GARIN1A: variants seen among roughly 807,000 people sequenced by gnomAD.
GARIN1A encodes the protein golgi associated RAB2 interactor 1A, also known as Golgi-associated RAB2 interactor protein 1A.
chr7:128,689,510 C>T, the GARIN1A span, among the ~76,000 whole-genome samples: 9 of 150,182 alleles, frequency 6.0e-5, 1 homozygote, highest in South Asian at 2.1e-4. Context: ...GGAGCCCCTC[C>T]GCCCGGCAGC....
At chr7:128,681,889 C>CCCCCAACCCCCCCG in the GARIN1A span, among the ~76,000 whole-genome samples, 1 of 148,034 alleles carries the variant, frequency 6.8e-6, no homozygotes, top group Non-Finnish European at 1.5e-5. Flanking sequence ...GCACCCCCCC[C>CCCCCAACCCCCCCG]CACAACCCCC....
the GARIN1A span, chr7:128,672,650 G>T: frequency 4.0e-6 from 2 of 496,262 alleles, no homozygotes; most frequent in Non-Finnish European, 6.2e-6. Flanking sequence ...CCCTGGGGGA[G>T]GGGGGGGCGG....
At chr7:128,696,294 C>T in the GARIN1A span, among the ~76,000 whole-genome samples, 176 of 152,142 alleles carry the variant, frequency 1.2e-3, no homozygotes, top group African/African-American at 3.9e-3. Context: ...GCTGGAATTA[C>T]AAGCGTGAGC....
the GARIN1A span, chr7:128,683,125 C>G: frequency 1.9e-6 from 3 of 1,612,262 alleles, no homozygotes; most frequent in Non-Finnish European, 2.5e-6. Flanking sequence ...GTTCATATAG[C>G]CAGTTACCTA....
chr7:128,704,297 G>A, the GARIN1A span, among the ~76,000 whole-genome samples: 21 of 142,756 alleles, frequency 1.5e-4, no homozygotes, highest in East Asian at 8.2e-4. Flanking sequence ...GGCATTATTA[G>A]TTAGAGTAAC....
the GARIN1A span, among the ~76,000 whole-genome samples, chr7:128,694,087 G>A: frequency 6.6e-6 from 1 of 152,208 alleles, no homozygotes; most frequent in African/African-American, 2.4e-5. Flanking sequence ...GGGAGAGGGC[G>A]TGGTGCCTGT....
At chr7:128,706,787 G>A in the GARIN1A span, among the ~76,000 whole-genome samples, 3 of 152,114 alleles carry the variant, frequency 2.0e-5, no homozygotes, top group Admixed American at 6.5e-5. Context: ...GGCATCCTGC[G>A]ATCCCAGAGC....
chr7:128,706,012 A>G, the GARIN1A span, among the ~76,000 whole-genome samples: 1 of 152,100 alleles, frequency 6.6e-6, no homozygotes, highest in African/African-American at 2.4e-5. Context: ...GCATTCTACT[A>G]TAAGGAAGAG....
chr7:128,695,871 C>G, the GARIN1A span, among the ~76,000 whole-genome samples: 1 of 152,054 alleles, frequency 6.6e-6, no homozygotes, highest in African/African-American at 2.4e-5. This position sits in a 1 kb window ranked among gnomAD's most constrained non-coding sequence, Gnocchi z 4.5. Flanking sequence ...TTTCCTTTTC[C>G]TCCAGTAGAA....
the GARIN1A span, chr7:128,683,150 G>A: frequency 1.9e-6 from 3 of 1,608,128 alleles, no homozygotes; most frequent in South Asian, 3.3e-5. Context: ...AGCACTTCTT[G>A]GGAGCCTGAC....
the GARIN1A span, among the ~76,000 whole-genome samples, chr7:128,703,636 G>T: frequency 2.0e-5 from 3 of 152,124 alleles, no homozygotes; most frequent in Admixed American, 6.5e-5. Context: ...AAATTAGCTG[G>T]GCATGGTGGA....
the GARIN1A span, among the ~76,000 whole-genome samples, chr7:128,695,112 A>G: frequency 7.2e-5 from 11 of 152,236 alleles, no homozygotes; most frequent in African/African-American, 2.7e-4. The surrounding 1 kb of genome is among the most constrained non-coding windows in gnomAD (Gnocchi z 4.5). Flanking sequence ...AGATGTTACT[A>G]TCTTTGCAGG....
At chr7:128,683,344 G>A in the GARIN1A span, 1 of 495,114 alleles carries the variant, frequency 2.0e-6, no homozygotes, top group Non-Finnish European at 3.5e-6. Context: ...GGGCTATAGG[G>A]AGGCTCCAGT....
the GARIN1A span, among the ~76,000 whole-genome samples, chr7:128,671,720 A>G: frequency 6.6e-6 from 1 of 151,980 alleles, no homozygotes; most frequent in African/African-American, 2.4e-5. Flanking sequence ...AAATGTAACA[A>G]CCAGCTCTCG....
At chr7:128,692,768 G>A in the GARIN1A span, among the ~76,000 whole-genome samples, 11 of 152,262 alleles carry the variant, frequency 7.2e-5, no homozygotes, top group African/African-American at 1.7e-4. Context: ...TGAGGCAGCC[G>A]GCAGGGAAGC....
the GARIN1A span, among the ~76,000 whole-genome samples, chr7:128,695,252 A>G: frequency 2.0e-5 from 3 of 152,120 alleles, no homozygotes; most frequent in Non-Finnish European, 2.9e-5. The surrounding 1 kb of genome is among the most constrained non-coding windows in gnomAD (Gnocchi z 4.5). Flanking sequence ...GGGAACCTCT[A>G]TGGACTGTAT....
chr7:128,693,214 A>G, the GARIN1A span, among the ~76,000 whole-genome samples: 1 of 152,260 alleles, frequency 6.6e-6, no homozygotes, highest in African/African-American at 2.4e-5. Context: ...AATAATTGCA[A>G]CAGCAGCCAG....
At chr7:128,690,750 A>G in the GARIN1A span, 7 of 152,248 alleles carry the variant, frequency 4.6e-5, no homozygotes, top group South Asian at 1.0e-3. Flanking sequence ...ACACGGCTCC[A>G]GGAAAGTGGT....
chr7:128,672,488 A>AT, the GARIN1A span: 338 of 1,609,508 alleles, frequency 2.1e-4, no homozygotes, highest in Non-Finnish European at 1.6e-4. Context: ...TTGTCAACTG[A>AT]TTCATTCTCC....
Sources: allele counts gnomAD v4.1 joint callset (sites outside exome capture counted in the v4.1 genomes callset), GRCh38; gene constraint gnomAD v4.1.1; non-coding constraint Gnocchi (gnomAD v3.1); transcripts MANE v1.5; gene names NCBI Gene and HGNC (gene_info 2026-07-23, HGNC 2026-07-21).